Variants in PXDNL observed in about 807,000 individuals in gnomAD.
PXDNL encodes the protein peroxidasin like.
PXDNL carries 145 observed loss-of-function variants against 150.8 expected under a neutral mutation model. That is an observed-to-expected ratio of 0.96 (90% CI 0.84 to 1.10). The LOEUF (loss-of-function observed/expected upper bound fraction) is 1.10. Among genes scored for constraint, PXDNL ranks in the 50% least tolerant of loss-of-function variants. The pLI is 0.00. For synonymous variants in PXDNL, 757 were observed against 725.7 expected (o/e 1.04, Z -0.69); for missense variants, 2,087 against 1,873.9 (o/e 1.11, Z -2.10).
chr8:51,805,438 G>GTA (rs2037665789), intron 1 of PXDNL, among the ~76,000 whole-genome samples: 1 of 147,678 alleles, frequency 6.8e-6, no homozygotes, highest in Admixed American at 6.8e-5. Context: ...ATCATTTTAT[G>GTA]TATATATACA....
chr8:51,799,316 T>G (rs2037594572), intron 1 of PXDNL, among the ~76,000 whole-genome samples: 2 of 152,116 alleles, frequency 1.3e-5, no homozygotes, highest in African/African-American at 4.8e-5. Context: ...GGTTGATAGG[T>G]GCAGCGAGTC....
At chr8:51,584,465 T>C (rs546240758) in intron 3 of PXDNL, among the ~76,000 whole-genome samples, 7 of 152,332 alleles carry the variant, frequency 4.6e-5, no homozygotes, top group East Asian at 1.9e-4. Flanking sequence ...ATTGCTGTGT[T>C]CATCTATTCC....
intron 1 of PXDNL, among the ~76,000 whole-genome samples, chr8:51,722,570 G>A (rs1320119796): frequency 6.6e-6 from 1 of 152,166 alleles, no homozygotes; most frequent in Non-Finnish European, 1.5e-5. Context: ...GTGGTGAGGT[G>A]GCTCTCAGAG....
At chr8:51,607,860 GGA>G (rs1813871643) in intron 2 of PXDNL, among the ~76,000 whole-genome samples, 1 of 104,492 alleles carries the variant, frequency 9.6e-6, no homozygotes, top group Non-Finnish European at 1.8e-5. Flanking sequence ...AAGAGAGGAA[GGA>G]AGGAAGGAAG....
At chr8:51,700,204 C>T (rs1402678650) in intron 1 of PXDNL, among the ~76,000 whole-genome samples, 1 of 150,926 alleles carries the variant, frequency 6.6e-6, no homozygotes, top group African/African-American at 2.4e-5. Flanking sequence ...CACCATCACA[C>T]ACATATACAC....
chr8:51,629,226 T>C (rs1814436123), intron 2 of PXDNL, among the ~76,000 whole-genome samples: 1 of 151,966 alleles, frequency 6.6e-6, no homozygotes, highest in Non-Finnish European at 1.5e-5. Flanking sequence ...ATAGTGGAGA[T>C]TAAAAATATA....
chr8:51,403,021 T>C (rs1275575483), intron 17 of PXDNL, among the ~76,000 whole-genome samples: 2 of 133,456 alleles, frequency 1.5e-5, no homozygotes, highest in East Asian at 2.1e-4. Context: ...ACCCGGGAGG[T>C]GGAGCTTGCA....
intron 14 of PXDNL, among the ~76,000 whole-genome samples, chr8:51,413,981 A>G (rs1808722730): frequency 6.6e-6 from 1 of 152,164 alleles, no homozygotes; most frequent in East Asian, 1.9e-4. Context: ...ATTTTATGTG[A>G]CACAGGCAAT....
At chr8:51,736,345 A>T (rs1817038011) in intron 1 of PXDNL, among the ~76,000 whole-genome samples, 1 of 152,200 alleles carries the variant, frequency 6.6e-6, no homozygotes, top group Non-Finnish European at 1.5e-5. Context: ...CCAGAGAGGC[A>T]TTTAAAATGT....
chr8:51,475,926 G>A (rs1486537878), intron 6 of PXDNL, among the ~76,000 whole-genome samples: 1 of 151,968 alleles, frequency 6.6e-6, no homozygotes. Context: ...TCTTTTTTAT[G>A]GCTGTGTCTA....
intron 1 of PXDNL, among the ~76,000 whole-genome samples, chr8:51,694,590 T>C (rs183815205): frequency 9.8e-5 from 15 of 152,330 alleles, no homozygotes; most frequent in South Asian, 4.1e-4. Context: ...TAATCTCTAG[T>C]ATCTAGGCAT....
rs564997150 is a variant in PXDNL, at chr8:51,349,508, G to A, written c.3902-3561C>T. 6.6e-5 allele frequency among the ~76,000 whole-genome samples: 10 copies of A among 152,304 alleles called. No homozygotes were observed. The East Asian group carries it at 1.9e-3, about 29-fold the overall frequency. On this transcript the variant is annotated intron_variant, in intron 19 of 22. Coordinates refer to ENST00000356297, the MANE Select transcript of PXDNL (RefSeq NM_144651.5). Reference sequence around the variant, plus strand: ...TCTCTCAGCACTCTCTGGATACATTGGGTCTTACTCCTCACATTCTCTGAG... The same window carrying A: ...TCTCTCAGCACTCTCTGGATACATTAGGTCTTACTCCTCACATTCTCTGAG...
At chr8:51,395,197 G>C (rs986855337) in intron 17 of PXDNL, among the ~76,000 whole-genome samples, 12 of 152,196 alleles carry the variant, frequency 7.9e-5, no homozygotes, top group African/African-American at 2.9e-4. Context: ...TAAAGTGTGT[G>C]TGCATATAAG....
chr8:51,597,077 T>C (rs1813586607), intron 2 of PXDNL, among the ~76,000 whole-genome samples: 2 of 152,234 alleles, frequency 1.3e-5, no homozygotes, highest in African/African-American at 4.8e-5. Context: ...GAGTTAATGT[T>C]TGTACACAGT....
chr8:51,659,271 T>C (rs1815218785), intron 1 of PXDNL, among the ~76,000 whole-genome samples: 1 of 152,196 alleles, frequency 6.6e-6, no homozygotes, highest in African/African-American at 2.4e-5. Flanking sequence ...GCAATCCTAG[T>C]CATTGTACCA....
At chr8:51,514,007 T>C (rs1249175661) in intron 4 of PXDNL, among the ~76,000 whole-genome samples, 1 of 152,228 alleles carries the variant, frequency 6.6e-6, no homozygotes, top group African/African-American at 2.4e-5. Flanking sequence ...TACATTTCAC[T>C]TCTGGATGTA....
intron 17 of PXDNL, among the ~76,000 whole-genome samples, chr8:51,397,675 T>C (rs1808125277): frequency 6.6e-6 from 1 of 152,056 alleles, no homozygotes; most frequent in Non-Finnish European, 1.5e-5. Flanking sequence ...CAATATTAGG[T>C]GCCATAGAAA....
chr8:51,334,039 A>T (rs1316196415), intron 21 of PXDNL, among the ~76,000 whole-genome samples: 4 of 152,158 alleles, frequency 2.6e-5, no homozygotes, highest in Admixed American at 1.3e-4. Context: ...AGCCCATGGA[A>T]CTTTCTCCAA....
Position 51,469,451 on chromosome 8 carries a change from A to G in PXDNL, c.812+2736T>C, listed in dbSNP as rs77197893. On this transcript the variant is annotated intron_variant, in intron 8 of 22. Transcript: ENST00000356297. Reference sequence around the variant, plus strand: ...TCCTACCTGTCTTTCTGGAACTCCTACTGGATAGACACCAGACCTTTGCAT... The same window carrying G: ...TCCTACCTGTCTTTCTGGAACTCCTGCTGGATAGACACCAGACCTTTGCAT... Among the ~76,000 whole-genome samples the G allele has an allele frequency of 7.3e-4, 111 of 152,030 alleles. 1 individual carries two copies. The East Asian group carries it at 0.02, about 27-fold the overall frequency.
Sources: allele counts gnomAD v4.1 joint callset (sites outside exome capture counted in the v4.1 genomes callset), GRCh38; gene constraint gnomAD v4.1.1; transcripts MANE v1.5; gene names NCBI Gene and HGNC (gene_info 2026-07-23, HGNC 2026-07-21).